The following KCNJ16 variants were observed in gnomAD, a reference collection of about 807,000 sequenced individuals.
The protein encoded by KCNJ16 is inward rectifier potassium channel 16.
Under a neutral mutation model 18.5 loss-of-function variants are expected in KCNJ16, and 15 were observed. The ratio of observed to expected loss-of-function variants is 0.81; its 90% confidence interval spans 0.54 to 1.25. The LOEUF (loss-of-function observed/expected upper bound fraction) is 1.25. KCNJ16 is among the 50% of genes most tolerant of loss of function. The pLI, the probability that KCNJ16 is intolerant of heterozygous loss-of-function variation, is 0.00. For synonymous variants in KCNJ16, 174 were observed against 186.5 expected (o/e 0.93, Z 0.55); for missense variants, 523 against 525.7 (o/e 0.99, Z 0.05).
In KCNJ16 at chr17:70,076,111, T is replaced by C. The variant is rs536909159; in HGVS notation, c.-300+721T>C. Among the ~76,000 whole-genome samples the C allele has an allele frequency of 2.0e-5, 3 of 152,290 alleles. No individual in the cohort carries two copies. In the South Asian group the frequency reaches 6.2e-4, roughly 32 times the overall value. On this transcript the variant is annotated intron_variant, in intron 1 of 3. Coordinates refer to ENST00000392671, the MANE Select transcript of KCNJ16 (RefSeq NM_170741.4). The stretch of plus-strand genomic sequence containing the variant: ...TTGAACAGTTTTCCTTGTTGGTATA[T>C]TTAGGTAGTAAACAATAACATTTCT...
chr17:70,104,807 G>A (rs2072835753), intron 2 of KCNJ16: 1 of 152,658 alleles, frequency 6.6e-6, no homozygotes, highest in Admixed American at 6.5e-5. Flanking sequence ...ACTATGCGTA[G>A]GCATGGGAAC....
At chr17:70,077,364 AT>A (rs1331932217) in intron 1 of KCNJ16, among the ~76,000 whole-genome samples, 1 of 152,224 alleles carries the variant, frequency 6.6e-6, no homozygotes, top group Non-Finnish European at 1.5e-5. Flanking sequence ...AGTGAACAAA[AT>A]ATAGATGTGA....
At chr17:70,087,337 CCT>C (rs1666806268) in intron 1 of KCNJ16, among the ~76,000 whole-genome samples, 2 of 152,148 alleles carry the variant, frequency 1.3e-5, no homozygotes, top group South Asian at 2.1e-4. Flanking sequence ...TCAATTCTGG[CCT>C]CTGTTTTTCT....
At chr17:70,112,450 T>C (rs2073227086) in intron 2 of KCNJ16, among the ~76,000 whole-genome samples, 1 of 151,870 alleles carries the variant, frequency 6.6e-6, no homozygotes, top group Non-Finnish European at 1.5e-5. Context: ...ATGATGTTTA[T>C]AATTCTCAGC....
chr17:70,130,670 C>G (rs2074024751), intron 2 of KCNJ16, among the ~76,000 whole-genome samples: 1 of 152,158 alleles, frequency 6.6e-6, no homozygotes, highest in Admixed American at 6.5e-5. Context: ...ATGAATTTCC[C>G]TGGTTAGTTC....
intron 1 of KCNJ16, among the ~76,000 whole-genome samples, chr17:70,087,943 G>A (rs2071893158): frequency 6.7e-6 from 1 of 150,124 alleles, no homozygotes; most frequent in African/African-American, 2.5e-5. Flanking sequence ...TTGAACCTGG[G>A]AGGTGGAGTT....
chr17:70,084,386 A>T (rs1235455135), intron 1 of KCNJ16, among the ~76,000 whole-genome samples: 1 of 152,138 alleles, frequency 6.6e-6, no homozygotes, highest in African/African-American at 2.4e-5. Flanking sequence ...GTCATAATCC[A>T]CCTGATGCGT....
chr17:70,086,803 G>T (rs2071818344), intron 1 of KCNJ16, among the ~76,000 whole-genome samples: 1 of 152,112 alleles, frequency 6.6e-6, no homozygotes, highest in Non-Finnish European at 1.5e-5. Context: ...TGCATTGTTG[G>T]TACAATTTCT....
At chr17:70,092,555 TA>T (rs2072156302) in intron 1 of KCNJ16, among the ~76,000 whole-genome samples, 4 of 105,514 alleles carry the variant, frequency 3.8e-5, no homozygotes, top group African/African-American at 1.4e-4. Flanking sequence ...TAGATATAGA[TA>T]GATGATAGAT....
chr17:70,122,005 TAGG>T (rs2073659782), intron 2 of KCNJ16, among the ~76,000 whole-genome samples: 1 of 151,904 alleles, frequency 6.6e-6, no homozygotes, highest in South Asian at 2.1e-4. Context: ...AGGGCAAAAA[TAGG>T]AGACCTCTTA....
At chr17:70,088,486 G>A (rs1009961821) in intron 1 of KCNJ16, among the ~76,000 whole-genome samples, 1 of 152,202 alleles carries the variant, frequency 6.6e-6, no homozygotes, top group Non-Finnish European at 1.5e-5. Flanking sequence ...TGGCCTGGGG[G>A]TTGAGGACCC....
intron 1 of KCNJ16, among the ~76,000 whole-genome samples, chr17:70,081,046 A>C (rs543156385): frequency 6.6e-6 from 1 of 152,284 alleles, no homozygotes; most frequent in South Asian, 2.1e-4. Flanking sequence ...TATGTTATTG[A>C]GTTCTATTTG....
intron 2 of KCNJ16, among the ~76,000 whole-genome samples, chr17:70,108,906 G>C (rs1043854733): frequency 6.6e-6 from 1 of 151,978 alleles, no homozygotes; most frequent in Admixed American, 6.6e-5. Context: ...CCAATCCCTA[G>C]AGCTGAGGGC....
At chr17:70,081,371 G>C (rs1313873203) in intron 1 of KCNJ16, among the ~76,000 whole-genome samples, 2 of 152,108 alleles carry the variant, frequency 1.3e-5, no homozygotes, top group Non-Finnish European at 2.9e-5. Flanking sequence ...AACTGTATTA[G>C]ATAACAGTAT....
At chr17:70,109,587 T>C (rs2073095263) in intron 2 of KCNJ16, among the ~76,000 whole-genome samples, 1 of 152,156 alleles carries the variant, frequency 6.6e-6, no homozygotes, top group South Asian at 2.1e-4. Flanking sequence ...ACTGGGGGCC[T>C]GTTAAGCTGA....
intron 1 of KCNJ16, among the ~76,000 whole-genome samples, chr17:70,077,787 CTG>C (rs2071380174): frequency 6.6e-6 from 1 of 150,714 alleles, no homozygotes; most frequent in Admixed American, 6.6e-5. Flanking sequence ...GGCTCATCTT[CTG>C]AGATGTCTAT....
chr17:70,122,862 G>A (rs1474146933), intron 2 of KCNJ16, among the ~76,000 whole-genome samples: 1 of 152,134 alleles, frequency 6.6e-6, no homozygotes, highest in Non-Finnish European at 1.5e-5. Context: ...GCCACTCCTA[G>A]ATCATGTGGC....
rs140878979 is a variant in KCNJ16, at chr17:70,105,465, G to GT, written c.-191+4700dup. Among the ~76,000 whole-genome samples the GT allele has an allele frequency of 1.2e-3, 190 of 152,206 alleles. 1 individual carries two copies. The highest frequency in any genetic ancestry group is 4.1e-3 in the African/African-American group (171 of 41,548). On this transcript the variant is annotated intron_variant, in intron 2 of 3. Transcript: ENST00000392671. ...AGTCATTCATAAAACCATCTTTTTT[G>GT]TATGTCTTTGTCACTCTTCCACTGT...
chr17:70,084,627 T>C (rs763146401), intron 1 of KCNJ16, among the ~76,000 whole-genome samples: 1 of 152,148 alleles, frequency 6.6e-6, no homozygotes, highest in Admixed American at 6.6e-5. Flanking sequence ...TTTCCTCTGG[T>C]AGAGCGGTGG....
Sources: gnomAD v4.1 joint callset for allele counts (sites outside exome capture counted in the v4.1 genomes callset) on GRCh38, gnomAD v4.1.1 for gene constraint, MANE v1.5 for transcripts, NCBI Gene and HGNC (gene_info 2026-07-23, HGNC 2026-07-21) for gene names.